TMEM232: variants seen among roughly 807,000 people sequenced by gnomAD.
TMEM232 encodes the protein transmembrane protein 232.
In TMEM232, 80 loss-of-function variants were observed where a neutral mutation model predicts 78.8. The ratio of observed to expected loss-of-function variants is 1.01; its 90% CI spans 0.85 to 1.22. The LOEUF is 1.22. Among genes scored for constraint, TMEM232 ranks in the 50% most tolerant of loss-of-function variants. The pLI, the probability that TMEM232 is intolerant of heterozygous loss-of-function variation, is 0.00. For synonymous variants in TMEM232, 297 were observed against 254.3 expected (o/e 1.17, Z -1.60); for missense variants, 881 against 742.2 (o/e 1.19, Z -2.17).
At chr5:110,458,538 G>A (rs187727969) in intron 12 of TMEM232, among the ~76,000 whole-genome samples, 18 of 152,236 alleles carry the variant, frequency 1.2e-4, no homozygotes, top group African/African-American at 4.1e-4. Flanking sequence ...AGAGATGGGT[G>A]CTGGCTGAAA....
intron 11 of TMEM232, among the ~76,000 whole-genome samples, chr5:110,534,233 G>C (rs147203129): frequency 6.6e-6 from 1 of 152,172 alleles, no homozygotes; most frequent in Non-Finnish European, 1.5e-5. Flanking sequence ...TATACAGTCT[G>C]ATAGCAGACC....
intron 10 of TMEM232, among the ~76,000 whole-genome samples, chr5:110,587,687 A>ATG (rs1409871900): frequency 2.3e-3 from 183 of 78,168 alleles, no homozygotes; most frequent in Admixed American, 3.7e-3. Flanking sequence ...ATATATATAT[A>ATG]TATATGTGTG....
At chr5:110,643,775 T>C (rs1787079423) in intron 2 of TMEM232, among the ~76,000 whole-genome samples, 1 of 152,022 alleles carries the variant, frequency 6.6e-6, no homozygotes, top group Non-Finnish European at 1.5e-5. Flanking sequence ...ACAGTCCTAC[T>C]GGGGAGACAG....
At chr5:110,701,330 T>A (rs1795421835) in intron 1 of TMEM232, among the ~76,000 whole-genome samples, 1 of 152,000 alleles carries the variant, frequency 6.6e-6, no homozygotes, top group African/African-American at 2.4e-5. Context: ...AATAAGCCAC[T>A]TTTGAATATT....
At position 110,664,016 on chromosome 5, in the gene TMEM232, T is replaced by C. The variant is rs541316057; in HGVS notation, c.125+3212A>G. ...TTATCCGTGTATGGTGACATGTGCC[T>C]GTGATTCTAGCTACTCCAGAGGCTG... On this transcript the variant is annotated intron_variant, in intron 2 of 13. Transcript: ENST00000455884. Among the ~76,000 whole-genome samples, 402 of 152,138 alleles carry C rather than the reference T, an allele frequency of 2.6e-3. 2 individuals carry two copies. The highest frequency in any genetic ancestry group is 9.2e-3 in the African/African-American group (383 of 41,534).
intron 1 of TMEM232, among the ~76,000 whole-genome samples, chr5:110,686,371 T>C (rs1793404869): frequency 6.6e-6 from 1 of 151,942 alleles, no homozygotes; most frequent in Admixed American, 6.6e-5. Flanking sequence ...AGGTTTATAG[T>C]TCTAACCAAG....
intron 10 of TMEM232, among the ~76,000 whole-genome samples, chr5:110,579,436 C>T (rs979155810): frequency 6.6e-6 from 1 of 151,272 alleles, no homozygotes; most frequent in Non-Finnish European, 1.5e-5. Context: ...GATCTTGATA[C>T]TTAATACTAC....
At chr5:110,738,030 GA>G in exon 1 of TMEM232, 2 of 229,200 alleles carry the variant, frequency 8.7e-6, no homozygotes, top group South Asian at 4.8e-5. Context: ...TAAAACCACA[GA>G]AAAAAATGTC....
chr5:110,511,544 T>TATATTCATTTATGTAATAATA (rs1488219287), intron 12 of TMEM232, among the ~76,000 whole-genome samples: 2 of 152,126 alleles, frequency 1.3e-5, no homozygotes, highest in African/African-American at 4.8e-5. Flanking sequence ...TATTTTATAC[T>TATATTCATTTATGTAATAATA]ATATTCATTT....
At chr5:110,648,085 A>G (rs1168162007) in intron 2 of TMEM232, among the ~76,000 whole-genome samples, 1 of 152,070 alleles carries the variant, frequency 6.6e-6, no homozygotes, top group African/African-American at 2.4e-5. Flanking sequence ...CAATAAATAG[A>G]AACATGGAGA....
intron 1 of TMEM232, among the ~76,000 whole-genome samples, chr5:110,700,173 G>C (rs1163076036): frequency 1.3e-5 from 2 of 151,978 alleles, no homozygotes; most frequent in African/African-American, 4.8e-5. Context: ...TTGCTTGCTG[G>C]TCAGTCTAAA....
intron 12 of TMEM232, among the ~76,000 whole-genome samples, chr5:110,436,088 A>T (rs959920746): frequency 1.6e-4 from 25 of 151,762 alleles, no homozygotes; most frequent in Non-Finnish European, 3.5e-4. Context: ...CTTGCAAGGG[A>T]TCCCTTCTCT....
At chr5:110,566,502 C>G (rs1776357493) in intron 11 of TMEM232, among the ~76,000 whole-genome samples, 1 of 151,880 alleles carries the variant, frequency 6.6e-6, no homozygotes, top group Non-Finnish European at 1.5e-5. Flanking sequence ...CCTAAATTAT[C>G]TCTCTCAAGT....
At chr5:110,732,642 T>A (rs1052410044) in intron 2 of TMEM232, among the ~76,000 whole-genome samples, 4 of 152,160 alleles carry the variant, frequency 2.6e-5, no homozygotes, top group African/African-American at 9.7e-5. Context: ...ATGATTCAAT[T>A]ACCTCCCCCT....
At chr5:110,625,810 C>T (rs1326523494) in intron 6 of TMEM232, among the ~76,000 whole-genome samples, 1 of 145,338 alleles carries the variant, frequency 6.9e-6, no homozygotes, top group Admixed American at 6.9e-5. Context: ...GTCATTGATT[C>T]TAGACAAACA....
intron 11 of TMEM232, among the ~76,000 whole-genome samples, chr5:110,556,316 C>G (rs1052855462): frequency 6.6e-6 from 1 of 150,552 alleles, no homozygotes; most frequent in Non-Finnish European, 1.5e-5. Context: ...TCCTTCCTTT[C>G]TTCTTTCCTT....
intron 1 of TMEM232, among the ~76,000 whole-genome samples, chr5:110,689,736 T>C (rs1793863130): frequency 6.6e-6 from 1 of 152,070 alleles, no homozygotes; most frequent in Non-Finnish European, 1.5e-5. Context: ...CTTCAAACGA[T>C]ACTACAAGGC....
intron 11 of TMEM232, among the ~76,000 whole-genome samples, chr5:110,561,814 T>A (rs554625982): frequency 6.6e-5 from 10 of 152,058 alleles, no homozygotes; most frequent in Non-Finnish European, 1.3e-4. Flanking sequence ...GCATGTCTGT[T>A]CCACGTTGTC....
chr5:110,390,854 C>T (rs906817359), intron 3 of TMEM232, among the ~76,000 whole-genome samples: 18 of 152,308 alleles, frequency 1.2e-4, no homozygotes, highest in Non-Finnish European at 2.2e-4. Flanking sequence ...AAGCAGAGAA[C>T]GTGTGCTGAC....
Sources: allele counts gnomAD v4.1 joint callset (sites outside exome capture counted in the v4.1 genomes callset), GRCh38; gene constraint gnomAD v4.1.1; transcripts MANE v1.5; gene names NCBI Gene and HGNC (gene_info 2026-07-23, HGNC 2026-07-21).